Variants in SORL1 observed in about 807,000 individuals in gnomAD.
SORL1 encodes the protein sortilin-related receptor.
Under a neutral mutation model 273.7 loss-of-function variants are expected in SORL1, and 127 were observed. That is an observed-to-expected ratio of 0.46 (90% CI 0.40 to 0.54). The LOEUF (loss-of-function observed/expected upper bound fraction) is 0.54. SORL1 is among the 20% of genes least tolerant of loss of function. SORL1 has a pLI of 0.00. For missense variants in SORL1, 2,494 were observed against 2,846.1 expected (o/e 0.88, Z 2.81); for synonymous variants, 1,031 against 1,067.4 (o/e 0.97, Z 0.66).
chr11:121,574,116 A>G, intron 23 of SORL1, 125 bp from the exon 24 acceptor site: 3 of 937,388 alleles, frequency 3.2e-6, no homozygotes, highest in Non-Finnish European at 4.9e-6. Flanking sequence ...GTCTAGGTTT[A>G]ATTTCTGTTG....
intron 26 of SORL1, among the ~76,000 whole-genome samples, chr11:121,584,258 C>G (rs1206393589): frequency 6.6e-6 from 1 of 152,224 alleles, no homozygotes; most frequent in Non-Finnish European, 1.5e-5. Flanking sequence ...AAATGTGTCT[C>G]TACCAGTAAA....
intron 42 of SORL1, 32 bp from the exon 43 acceptor site, chr11:121,619,721 T>G (rs907426159): frequency 3.9e-6 from 6 of 1,546,724 alleles, no homozygotes; most frequent in Non-Finnish European, 5.3e-6. Context: ...CCATGATGTA[T>G]TTTTTTTCCT....
intron 5 of SORL1, among the ~76,000 whole-genome samples, chr11:121,491,461 C>G (rs11218310): frequency 6.6e-6 from 1 of 152,144 alleles, no homozygotes; most frequent in Non-Finnish European, 1.5e-5. Context: ...GTGGGTTTAT[C>G]TAACAGCTAT....
intron 38 of SORL1, chr11:121,610,662 G>T (rs1353611022): frequency 6.3e-6 from 1 of 157,592 alleles, no homozygotes; most frequent in African/African-American, 2.4e-5. Flanking sequence ...CCACACGCAC[G>T]TTTACCATTT....
chr11:121,534,905 C>A (rs1365140041), intron 12 of SORL1, among the ~76,000 whole-genome samples: 1 of 152,196 alleles, frequency 6.6e-6, no homozygotes, highest in Non-Finnish European at 1.5e-5. Context: ...CTGTCCCATT[C>A]ATTTGGCATT....
Position 121,604,200 on chromosome 11 carries a change from C to A in SORL1, c.4527C>A (p.His1509Gln). 6.2e-7 allele frequency: 1 copy of A among 1,614,140 alleles called. No homozygotes were observed. Among genetic ancestry groups the A allele is most frequent in the Non-Finnish European group, 8.5e-7 (1 of 1,180,024 alleles). Residue 1509 changes from histidine to glutamine, a missense_variant, in exon 33 of 48, where the codon CAC becomes CAA. This residue lies in a region of SORL1 where 1,609 missense variants were observed against 1,816.4 expected (regional missense o/e 0.89). Transcript: ENST00000260197. ...DGRDEANCPT[H>Q]STLTCMSREF... ...AGCCTCTCTGTGTTTCAGCCACACA[C>A]AGCACCTTGACTTGCATGAGCAGGG...
intron 12 of SORL1, among the ~76,000 whole-genome samples, chr11:121,538,059 A>G (rs1043982566): frequency 2.6e-5 from 4 of 152,170 alleles, no homozygotes; most frequent in Non-Finnish European, 5.9e-5. Context: ...TCTGGCCCCA[A>G]TAGCCTGAAA....
chr11:121,513,113 G>T lies in SORL1; in HGVS notation c.1041+9G>T. The T allele has an allele frequency of 6.3e-7, 1 of 1,586,938 alleles. No individual in the cohort carries two copies. Among genetic ancestry groups the T allele is most frequent in the Non-Finnish European group, 8.7e-7 (1 of 1,155,214 alleles). ...CAAGACATCCTATTAATGTGAGTGGGGTCTGCTTGAGGATGGGAAGAAGTA... is the reference window on the plus strand; with the variant it reads ...CAAGACATCCTATTAATGTGAGTGGTGTCTGCTTGAGGATGGGAAGAAGTA... On this transcript the variant is annotated intron_variant, in intron 7 of 47. Transcript: ENST00000260197.
At chr11:121,519,412 C>CTT (rs537633898) in intron 8 of SORL1, among the ~76,000 whole-genome samples, 2 of 142,274 alleles carry the variant, frequency 1.4e-5, no homozygotes, top group East Asian at 2.1e-4. Flanking sequence ...TTCTCTCTCT[C>CTT]TTTTTTTTTT....
Position 121,543,692 on chromosome 11 carries a change from G to A in SORL1, c.1830G>A (p.Trp610Ter), listed in dbSNP as rs776287732. 1.2e-6 allele frequency: 2 copies of A among 1,613,866 alleles called. No individual in the cohort carries two copies. The highest frequency in any genetic ancestry group is 1.1e-5 in the South Asian group (1 of 91,074). Residue 610 changes from tryptophan (W) to a stop codon, truncating the protein, a stop_gained, in exon 13 of 48, where the codon TGG becomes TGA. Transcript: ENST00000260197. LOFTEE classifies it high-confidence loss of function. ...FGSNKENVHS[W>*]LILQVNATDA... ...CGAACAAAGAGAATGTCCACAGCTG[G>A]CTGATCCTCCAGGTCAATGCCACGG... is the stretch of plus-strand genomic sequence containing the variant.
At chr11:121,597,897 C>G (rs1433518874) in intron 32 of SORL1, among the ~76,000 whole-genome samples, 1 of 152,080 alleles carries the variant, frequency 6.6e-6, no homozygotes, top group African/African-American at 2.4e-5. Context: ...TGGGGACAGG[C>G]CAGGAGAGGC....
At chr11:121,486,554 AC>A (rs1565312053) in intron 3 of SORL1, among the ~76,000 whole-genome samples, 2 of 146,066 alleles carry the variant, frequency 1.4e-5, no homozygotes, top group African/African-American at 2.6e-5. Context: ...CTCTTGGCTC[AC>A]TGCAAGCTCC....
intron 21 of SORL1, among the ~76,000 whole-genome samples, chr11:121,565,276 C>T (rs1179624529): frequency 2.6e-5 from 4 of 152,196 alleles, no homozygotes; most frequent in African/African-American, 7.2e-5. Context: ...ATCATATGAA[C>T]CTCCCTTCCT....
intron 6 of SORL1, among the ~76,000 whole-genome samples, chr11:121,498,036 A>T (rs1440869526): frequency 6.6e-6 from 1 of 152,204 alleles, no homozygotes; most frequent in East Asian, 1.9e-4. Context: ...ACAGAATGAG[A>T]AGAGAGATGT....
intron 47 of SORL1, among the ~76,000 whole-genome samples, chr11:121,628,583 T>C (rs938800588): frequency 2.5e-4 from 38 of 152,296 alleles, no homozygotes; most frequent in East Asian, 9.7e-4. Flanking sequence ...GGCCCGGGCA[T>C]TGGGGATCCC....
At chr11:121,462,534 T>C (rs994032462) in intron 1 of SORL1, among the ~76,000 whole-genome samples, 2 of 152,206 alleles carry the variant, frequency 1.3e-5, no homozygotes, top group Non-Finnish European at 2.9e-5. Flanking sequence ...ATGCGTGTTT[T>C]CCCTACTATA....
At chr11:121,475,452 G>A (rs1284673577) in intron 2 of SORL1, among the ~76,000 whole-genome samples, 1 of 152,208 alleles carries the variant, frequency 6.6e-6, no homozygotes, top group Non-Finnish European at 1.5e-5. Context: ...GATGGATTTT[G>A]TTTGTAGGTG....
chr11:121,522,683 C>T lies in SORL1; in HGVS notation c.1502C>T (p.Pro501Leu). The change falls in exon 10 of 48, where the codon CCA (proline) becomes CTA (leucine). Residue 501 changes from proline (P) to leucine (L), a missense_variant. Around this residue, in one of 3 missense-constraint regions of SORL1, gnomAD observed 710 missense variants for 882.5 expected, o/e 0.80. Transcript: ENST00000260197. Reference protein sequence around the residue: ...RMPILSKESAPGLIIATGSVG... With the variant: ...RMPILSKESALGLIIATGSVG... ...CCCATCCTGTCCAAGGAGTCGGCTC[C>T]AGGCCTCATCATCGCCACTGGTAAG... The T allele has an allele frequency of 6.2e-7, 1 of 1,613,794 alleles. No homozygotes were observed. The highest frequency in any genetic ancestry group is 8.5e-7 in the Non-Finnish European group (1 of 1,179,636).
chr11:121,520,516 G>A (rs1862023647), intron 8 of SORL1, 141 bp from the exon 9 acceptor site: 2 of 546,450 alleles, frequency 3.7e-6, no homozygotes, highest in Admixed American at 7.7e-5. Context: ...TCTGGAACTA[G>A]ATAGTAATGA....
Sources: allele counts gnomAD v4.1 joint callset (sites outside exome capture counted in the v4.1 genomes callset), GRCh38; gene constraint gnomAD v4.1.1; regional missense constraint gnomAD v4.1.1; transcripts MANE v1.5; gene names NCBI Gene and HGNC (gene_info 2026-07-23, HGNC 2026-07-21).